The following TACC2 variants were observed in gnomAD, a reference collection of about 807,000 sequenced individuals.
TACC2 encodes the protein transforming acidic coiled-coil-containing protein 2.
In TACC2, 137 loss-of-function variants were observed where a neutral mutation model predicts 227.3. The ratio of observed to expected loss-of-function variants is 0.60; its 90% CI spans 0.52 to 0.69. The LOEUF (loss-of-function observed/expected upper bound fraction) is 0.69. Ranked by LOEUF, TACC2 falls within the 30% of genes least tolerant of loss-of-function variation. The pLI is 0.00. For missense variants in TACC2, 3,470 were observed against 3,694.4 expected, an observed-to-expected ratio of 0.94 and a Z score of 1.57; for synonymous variants, 1,523 against 1,487.5, an observed-to-expected ratio of 1.02 and a Z score of -0.55.
At chr10:122,051,690 G>A (rs1047183184) in intron 3 of TACC2, 4 of 151,338 alleles carry the variant, frequency 2.6e-5, no homozygotes, top group East Asian at 1.9e-4. Flanking sequence ...GGAATGATAG[G>A]CCCCTGTCAT....
intron 1 of TACC2, among the ~76,000 whole-genome samples, chr10:122,014,320 C>T (rs1378001898): frequency 1.3e-5 from 2 of 151,692 alleles, no homozygotes; most frequent in African/African-American, 2.4e-5. Flanking sequence ...AGCGATTCTC[C>T]TGCCTCAGCC....
chr10:122,140,725 G>A (rs1015082717), intron 6 of TACC2, among the ~76,000 whole-genome samples: 1 of 152,356 alleles, frequency 6.6e-6, no homozygotes, highest in East Asian at 1.9e-4. Flanking sequence ...TGCTGGTCAC[G>A]GGAGGCTTGA....
In TACC2 at chr10:122,254,341, T is replaced by C; in HGVS notation, c.*285T>C. 2 of 448,350 alleles carry C rather than the reference T, an allele frequency of 4.5e-6. No individual in the cohort carries two copies. The highest frequency in any genetic ancestry group is 2.1e-5 in the South Asian group (1 of 47,842). 27.8% of individuals were successfully genotyped at this position (448,350 alleles called of 1,614,324 possible). On this transcript the variant is annotated 3_prime_UTR_variant, in exon 23 of 23. Transcript: ENST00000369005. ...CTAATAAAAGACACATTGCTGACCT[T>C]GGCCTTGCCCTTTGTACACAAGTTC...
intron 7 of TACC2, among the ~76,000 whole-genome samples, chr10:122,176,678 A>G (rs117984922): frequency 1.8e-3 from 279 of 152,368 alleles, no homozygotes; most frequent in Middle Eastern, 3.4e-3. Context: ...CAGAATTTGA[A>G]TGAGATTAGT....
chr10:122,133,538 T>C (rs1592408620), intron 6 of TACC2, among the ~76,000 whole-genome samples: 5 of 152,196 alleles, frequency 3.3e-5, no homozygotes, highest in Admixed American at 3.3e-4. Flanking sequence ...TGTGTGTGTG[T>C]CTATGAATAC....
intron 1 of TACC2, among the ~76,000 whole-genome samples, chr10:122,000,904 C>A (rs996222209): frequency 3.9e-5 from 6 of 152,200 alleles, no homozygotes; most frequent in African/African-American, 1.4e-4. Flanking sequence ...CTCACTGCAA[C>A]CTCCACCTCC....
rs144030460 is a variant in TACC2 at position 122,185,928 on chromosome 10, T to A, written c.5835-9112T>A. Among the ~76,000 whole-genome samples, 433 of 152,326 alleles carry A rather than the reference T, an allele frequency of 2.8e-3. 2 individuals are homozygous for A. The highest frequency in any genetic ancestry group is 0.01 in the African/African-American group (429 of 41,572). Reference sequence around the variant, plus strand: ...CTTATTAGTATTCATAAGTAACTCATTTTCCTTTCTTCCTTTTTTGAGGTG... The same window carrying A: ...CTTATTAGTATTCATAAGTAACTCAATTTCCTTTCTTCCTTTTTTGAGGTG... On this transcript the variant is annotated intron_variant, in intron 7 of 22. Coordinates refer to ENST00000369005, the MANE Select transcript of TACC2 (RefSeq NM_206862.4).
intron 3 of TACC2, chr10:122,079,169 T>C (rs2079167405): frequency 1.3e-5 from 2 of 152,240 alleles, no homozygotes; most frequent in South Asian, 4.1e-4. Flanking sequence ...CTTCAGTTAA[T>C]GGGTGGGACA....
intron 22 of TACC2, 140 bp downstream of exon 22, chr10:122,249,804 G>T (rs2096215916): frequency 9.2e-7 from 1 of 1,089,314 alleles, no homozygotes; most frequent in Admixed American, 2.9e-5. Context: ...CATACCCTTG[G>T]TTCCTTCTAG....
chr10:122,204,642 C>T (rs1008654774), intron 8 of TACC2, among the ~76,000 whole-genome samples: 2 of 152,160 alleles, frequency 1.3e-5, no homozygotes, highest in African/African-American at 4.8e-5. Flanking sequence ...TTGAGACCAG[C>T]CTGGGCAGCA....
rs1286480068 is a variant in TACC2 at position 122,086,155 on chromosome 10, C to G, written c.3655C>G (p.Pro1219Ala). ...TTCTACACACCAGGCTGTCCCAGAC[C>G]CAAAGGAGCTCCTGCTGTCTGGGCC... is the stretch of plus-strand genomic sequence containing the variant. ...DFSTHQAVPDPKELLLSGPPE... is the reference protein window; with the variant it reads ...DFSTHQAVPDAKELLLSGPPE... The change falls in exon 4 of 23, where the codon CCA becomes GCA. Residue 1219 changes from proline to alanine, a missense_variant. Physicochemically the swap from Pro to Ala is conservative, Grantham distance 27. This residue lies in a region of TACC2 where 1,924 missense variants were observed against 1,978.3 expected (regional missense o/e 0.97). Coordinates refer to ENST00000369005, the MANE Select transcript of TACC2 (RefSeq NM_206862.4). 3.1e-6 allele frequency: 5 copies of G among 1,613,556 alleles called. No homozygotes were observed. In the African/African-American group the frequency reaches 6.7e-5, roughly 22 times the overall value.
chr10:122,117,438 G>A (rs959530678), intron 5 of TACC2, among the ~76,000 whole-genome samples: 2 of 152,062 alleles, frequency 1.3e-5, no homozygotes, highest in African/African-American at 4.8e-5. Flanking sequence ...CAAGTTATCT[G>A]CCCAGCTCGG....
intron 7 of TACC2, among the ~76,000 whole-genome samples, chr10:122,181,332 C>A (rs2093964776): frequency 6.6e-6 from 1 of 152,132 alleles, no homozygotes; most frequent in Admixed American, 6.5e-5. Context: ...GTACAGCTGT[C>A]CCCTGGCTAC....
chr10:122,240,697 C>G (rs2095972138), intron 18 of TACC2, among the ~76,000 whole-genome samples: 1 of 152,132 alleles, frequency 6.6e-6, no homozygotes, highest in Admixed American at 6.5e-5. Flanking sequence ...TCATTAGGGT[C>G]CTGGATCTTC....
intron 19 of TACC2, among the ~76,000 whole-genome samples, chr10:122,244,908 G>C (rs1397329345): frequency 6.6e-6 from 1 of 152,234 alleles, no homozygotes; most frequent in African/African-American, 2.4e-5. Context: ...AGCTCACATA[G>C]TGACTATTTA....
Position 122,084,867 on chromosome 10 carries a change from A to C in TACC2, c.2367A>C (p.Ala789=). The part of the protein sequence containing the change: ...PHPPQGENLA[A]DLGLTALILD... The stretch of plus-strand genomic sequence containing the variant: ...CCCCCCAGGGGGAGAACTTGGCAGC[A>C]GACCTGGGGCTCACGGCACTCATCC... The change falls in exon 4 of 23, where the codon GCA becomes GCC. Residue 789 remains alanine, a synonymous_variant. Coordinates refer to ENST00000369005, the MANE Select transcript of TACC2 (RefSeq NM_206862.4). The C allele has an allele frequency of 3.7e-6, 6 of 1,614,004 alleles. No homozygotes were observed. Among genetic ancestry groups the C allele is most frequent in the Non-Finnish European group, 5.1e-6 (6 of 1,180,026 alleles).
intron 2 of TACC2, among the ~76,000 whole-genome samples, chr10:122,031,992 G>GCCA (rs1959040919): frequency 1.3e-5 from 2 of 152,274 alleles, no homozygotes; most frequent in Non-Finnish European, 2.9e-5. Flanking sequence ...ACAGGCATGA[G>GCCA]CCACCGTGCC....
rs1176312111 is a variant in TACC2, at chr10:122,247,129, G to A, written c.8393-1514G>A. 4 of 152,972 alleles carry A rather than the reference G, an allele frequency of 2.6e-5. No homozygotes were observed. In the East Asian group the frequency reaches 7.7e-4, roughly 29 times the overall value. The allele number at this position is 152,972 out of a possible 1,614,324, so 9.5% of individuals were successfully genotyped here. On this transcript the variant is annotated intron_variant, in intron 19 of 22. Transcript: ENST00000369005. ...GGAGGTCACTGCGGGGGAGCTCTGA[G>A]CAGGAGTGAGGTGGCCTGGTTTGCA...
At chr10:122,074,965 G>A (rs1371316630) in intron 3 of TACC2, among the ~76,000 whole-genome samples, 2 of 152,082 alleles carry the variant, frequency 1.3e-5, no homozygotes, top group African/African-American at 4.8e-5. Context: ...ATCTTGACAA[G>A]CCCTCAGAAT....
Sources: allele counts gnomAD v4.1 joint callset (sites outside exome capture counted in the v4.1 genomes callset), GRCh38; gene constraint gnomAD v4.1.1; regional missense constraint gnomAD v4.1.1; transcripts MANE v1.5; gene names NCBI Gene and HGNC (gene_info 2026-07-23, HGNC 2026-07-21).